The following CGGBP1 variants were observed in gnomAD, a reference collection of about 807,000 sequenced individuals.
CGGBP1 encodes the protein CGG triplet repeat-binding protein 1.
CGGBP1 carries 4 observed loss-of-function variants against 11.4 expected under a neutral mutation model. The ratio of observed to expected loss-of-function variants is 0.35; its 90% confidence interval spans 0.17 to 0.80. The LOEUF is 0.80. Ranked by LOEUF, CGGBP1 falls within the 30% of genes least tolerant of loss-of-function variation. The pLI, the probability that CGGBP1 is intolerant of heterozygous loss-of-function variation, is 0.52. For missense variants in CGGBP1, 135 were observed against 202.1 expected (o/e 0.67, Z 2.01); for synonymous variants, 76 against 74.1 (o/e 1.03, Z -0.13).
intron 2 of CGGBP1, among the ~76,000 whole-genome samples, chr3:88,126,944 G>A (rs181917626): frequency 1.1e-4 from 16 of 152,024 alleles, no homozygotes; most frequent in African/African-American, 2.4e-4. Flanking sequence ...ATTTAACAGC[G>A]GTCCTTTGTA....
At chr3:88,069,962 G>A (rs908669489) in intron 2 of CGGBP1, among the ~76,000 whole-genome samples, 1 of 152,174 alleles carries the variant, frequency 6.6e-6, no homozygotes, top group Non-Finnish European at 1.5e-5. Flanking sequence ...TACAATGGAT[G>A]TGTTTTTTTG....
intron 2 of CGGBP1, among the ~76,000 whole-genome samples, chr3:88,072,993 A>G (rs1241251379): frequency 3.3e-5 from 5 of 152,214 alleles, no homozygotes; most frequent in Non-Finnish European, 7.4e-5. Context: ...AAATGTAGGC[A>G]TGAAGAAAGG....
chr3:88,093,733 TCTCTA>T (rs2107687059), intron 2 of CGGBP1, among the ~76,000 whole-genome samples: 1 of 152,338 alleles, frequency 6.6e-6, no homozygotes, highest in East Asian at 1.9e-4. Flanking sequence ...CTAACTTCAG[TCTCTA>T]CTCTATAATC....
At chr3:88,095,700 T>G (rs1225448238) in intron 2 of CGGBP1, 1 of 406,470 alleles carries the variant, frequency 2.5e-6, no homozygotes. Flanking sequence ...TTTGAGAAAT[T>G]GGATTTCTTT....
At chr3:88,059,195 A>G (rs1200165729), upstream of CGGBP1, 9 of 1,434,548 alleles carry the variant, frequency 6.3e-6, no homozygotes, top group African/African-American at 4.4e-5. Flanking sequence ...CCCAGCCGAG[A>G]GGCCCCTGTC....
chr3:88,140,709 G>A (rs771797638), intron 2 of CGGBP1: 7 of 1,613,572 alleles, frequency 4.3e-6, no homozygotes, highest in African/African-American at 2.7e-5. Flanking sequence ...GCCCAGTGTT[G>A]TACCACAAGA....
intron 2 of CGGBP1, among the ~76,000 whole-genome samples, chr3:88,114,162 C>A (rs1238770020): frequency 2.6e-5 from 4 of 151,994 alleles, no homozygotes; most frequent in Non-Finnish European, 2.9e-5. Flanking sequence ...GGCATAGGGA[C>A]AGAAAGACAA....
At chr3:88,077,389 A>G (rs1467301156) in intron 2 of CGGBP1, among the ~76,000 whole-genome samples, 1 of 148,934 alleles carries the variant, frequency 6.7e-6, no homozygotes, top group African/African-American at 2.5e-5. Context: ...GCTGGAGTAC[A>G]GTGGCGCGAT....
rs543371287 is a variant in CGGBP1 at position 88,053,620 on chromosome 3, C to T, written c.*1853G>A. On this transcript the variant is annotated 3_prime_UTR_variant, in exon 4 of 4. Coordinates refer to ENST00000482016, the MANE Select transcript of CGGBP1 (RefSeq NM_001008390.2). ...AAATAATAGGGAGCAGTTTGAATCA[C>T]ATGGAATTTCAAAAAACAGAATGAT... is the stretch of plus-strand genomic sequence containing the variant. The T allele has an allele frequency of 6.6e-6, 1 of 152,608 alleles. No homozygotes were observed. Among genetic ancestry groups the T allele is most frequent in the East Asian group, 1.9e-4 (1 of 5,190 alleles). The allele number at this position is 152,608 out of a possible 1,614,324, so 9.5% of individuals were successfully genotyped here.
Position 88,102,298 on chromosome 3 carries a change from C to T in CGGBP1, c.-229+38672G>A, listed in dbSNP as rs540893357. Among the ~76,000 whole-genome samples the T allele has an allele frequency of 6.6e-5, 10 of 152,252 alleles. No individual in the cohort carries two copies. In the South Asian group the frequency reaches 1.7e-3, roughly 25 times the overall value. ...TATTGTGTTTTCTTCAGGGATGCTA[C>T]CTGAAGGGGAACAACAGCTGTCTTG... On this transcript the variant is annotated intron_variant, in intron 2 of 3. Coordinates refer to the CGGBP1 transcript ENST00000462901.
At chr3:88,063,291 G>A (rs186307455), upstream of CGGBP1, among the ~76,000 whole-genome samples, 15 of 152,176 alleles carry the variant, frequency 9.9e-5, no homozygotes, top group Admixed American at 2.6e-4. Context: ...ACTCTTAGTG[G>A]GTACCTTTTA....
chr3:88,143,233 T>C (rs1707211263), intron 1 of CGGBP1: 3 of 152,234 alleles, frequency 2.0e-5, no homozygotes, highest in South Asian at 4.1e-4. Flanking sequence ...TGATTTTTTT[T>C]TAATTTCCCG....
chr3:88,068,002 C>A (rs957567805), intron 2 of CGGBP1, among the ~76,000 whole-genome samples: 5 of 151,764 alleles, frequency 3.3e-5, no homozygotes, highest in African/African-American at 1.2e-4. Flanking sequence ...TATTATAAGA[C>A]CCCTGAAGGG....
intron 1 of CGGBP1, chr3:88,141,648 C>T: frequency 6.6e-7 from 1 of 1,508,076 alleles, no homozygotes; most frequent in East Asian, 2.4e-5. Flanking sequence ...TTTACAGGTG[C>T]CTGATGAAAA....
intron 2 of CGGBP1, among the ~76,000 whole-genome samples, chr3:88,123,397 A>G (rs1705898692): frequency 6.6e-6 from 1 of 152,184 alleles, no homozygotes; most frequent in African/African-American, 2.4e-5. Flanking sequence ...TAGTTTACTA[A>G]TTTTTAACAA....
intron 2 of CGGBP1, among the ~76,000 whole-genome samples, chr3:88,107,416 C>A (rs1704809599): frequency 6.6e-6 from 1 of 152,126 alleles, no homozygotes; most frequent in South Asian, 2.1e-4. Context: ...ATATCTTTCT[C>A]TGTTTATCCA....
intron 2 of CGGBP1, chr3:88,057,580 G>A (rs1429437802): frequency 6.6e-6 from 1 of 152,112 alleles, no homozygotes; most frequent in South Asian, 2.1e-4. Flanking sequence ...TAAATATGAG[G>A]TAACTATACC....
At chr3:88,128,468 T>C (rs1239874894) in intron 2 of CGGBP1, among the ~76,000 whole-genome samples, 1 of 152,078 alleles carries the variant, frequency 6.6e-6, no homozygotes, top group African/African-American at 2.4e-5. Flanking sequence ...TATGTAATCT[T>C]AGACTAAAAA....
intron 1 of CGGBP1, chr3:88,144,811 CAT>C (rs1559742914): frequency 6.6e-6 from 1 of 151,882 alleles, no homozygotes; most frequent in Non-Finnish European, 1.5e-5. Context: ...TTTTTTTAAA[CAT>C]AATATAGAAA....
Sources: gnomAD v4.1 joint callset for allele counts (sites outside exome capture counted in the v4.1 genomes callset) on GRCh38, gnomAD v4.1.1 for gene constraint, MANE v1.5 for transcripts, NCBI Gene and HGNC (gene_info 2026-07-23, HGNC 2026-07-21) for gene names.